Variants in CIT observed in about 807,000 individuals in gnomAD.
CIT encodes citron Rho-interacting kinase.
In CIT, 79 loss-of-function variants were observed where a neutral mutation model predicts 272.7. The observed-to-expected ratio is 0.29, with a 90% CI of 0.24 to 0.35. The LOEUF (loss-of-function observed/expected upper bound fraction) is 0.35. CIT is among the 10% of genes least tolerant of loss of function. The probability of loss-of-function intolerance (pLI) is 1.00; values close to 1 mark genes in which losing one functional copy is unlikely to be tolerated. For synonymous variants in CIT, 948 were observed against 995.6 expected (o/e 0.95, Z 0.90); for missense variants, 1,909 against 2,618.3 (o/e 0.73, Z 5.91).
chr12:119,833,663 C>CAAAAAAA lies in CIT; in HGVS notation c.659+416_659+422dup, dbSNP rs35433156. On this transcript the variant is annotated intron_variant, in intron 6 of 47. Coordinates refer to ENST00000392521, the MANE Select transcript of CIT (RefSeq NM_001206999.2). ...CTGGCAACAGAGCTAGACTCTGTCT[C>CAAAAAAA]AAAAAAAAAAAAAAAAAAAAAAAAT... Among the ~76,000 whole-genome samples, 44 of 83,802 alleles carry CAAAAAAA rather than the reference C, an allele frequency of 5.3e-4. 1 individual carries two copies. Among genetic ancestry groups the CAAAAAAA allele is most frequent in the Middle Eastern group, 6.3e-3 (1 of 158 alleles). The allele number at this position is 83,802 out of a possible 152,430, so 55.0% of individuals were successfully genotyped here.
At chr12:119,708,156 C>T (rs1230564762) in intron 40 of CIT, 23 bp downstream of exon 40, 1 of 1,521,074 alleles carries the variant, frequency 6.6e-7, no homozygotes, top group Admixed American at 2.1e-5. Flanking sequence ...ATTCCACCAG[C>T]TAGGACTCTG....
chr12:119,741,567 G>GA, intron 24 of CIT, among the ~76,000 whole-genome samples: 1 of 152,288 alleles, frequency 6.6e-6, no homozygotes, highest in Middle Eastern at 3.4e-3. Flanking sequence ...AGCTAAAGAG[G>GA]AAAGAAAGGG....
At chr12:119,862,535 C>T (rs1233185688) in intron 3 of CIT, among the ~76,000 whole-genome samples, 1 of 151,490 alleles carries the variant, frequency 6.6e-6, no homozygotes, top group African/African-American at 2.4e-5. Flanking sequence ...GTAGGACTTG[C>T]AGGGGCTGGC....
chr12:119,776,737 C>T lies in CIT; in HGVS notation c.1771G>A (p.Glu591Lys). 1 of 1,614,126 alleles carries T rather than the reference C, an allele frequency of 6.2e-7. No homozygotes were observed. Among genetic ancestry groups the T allele is most frequent in the South Asian group, 1.1e-5 (1 of 91,084 alleles). Residue 591 changes from glutamate to lysine, a missense_variant, in exon 14 of 48, where the codon GAG (glutamate) becomes AAG (lysine). Around this residue, in one of 8 missense-constraint regions of CIT, gnomAD observed 530 missense variants for 822.4 expected, o/e 0.64. Coordinates refer to ENST00000392521, the MANE Select transcript of CIT (RefSeq NM_001206999.2). The part of the protein sequence containing the change: ...RSDLYESELR[E>K]SRLAAEEFKR... ...AATTCTTCAGCAGCAAGCCGAGACTCTCTCAGCTCAGATTCGTAGAGATCA... is the reference window on the plus strand; with the variant it reads ...AATTCTTCAGCAGCAAGCCGAGACTTTCTCAGCTCAGATTCGTAGAGATCA...
intron 3 of CIT, among the ~76,000 whole-genome samples, chr12:119,861,402 A>G (rs980392982): frequency 6.6e-6 from 1 of 152,118 alleles, no homozygotes; most frequent in African/African-American, 2.4e-5. Context: ...CCTGACCAAT[A>G]TGGAGAAATC....
At position 119,713,186 on chromosome 12, in the gene CIT, CT is replaced by C. The variant is rs760091746; in HGVS notation, c.4579+16del. ...TTAGCCACGTGCAATGACCTTCCCC[CT>C]GAATTATTAATTTACCTTCTCTGGC... On this transcript the variant is annotated intron_variant, in intron 35 of 47. Coordinates refer to ENST00000392521, the MANE Select transcript of CIT (RefSeq NM_001206999.2). This position sits in a 1 kb window ranked among gnomAD's most constrained non-coding sequence, Gnocchi z 5.2. The C allele has an allele frequency of 1.5e-5, 24 of 1,605,390 alleles. No homozygotes were observed. The highest frequency in any genetic ancestry group is 2.0e-5 in the Non-Finnish European group (23 of 1,172,806).
intron 5 of CIT, among the ~76,000 whole-genome samples, chr12:119,846,475 G>A (rs1382267314): frequency 2.0e-5 from 3 of 152,218 alleles, no homozygotes; most frequent in Non-Finnish European, 4.4e-5. Context: ...CCAGAAAACT[G>A]TGGACTCTCA....
chr12:119,852,279 T>A (rs1311423595), intron 4 of CIT, among the ~76,000 whole-genome samples: 1 of 152,084 alleles, frequency 6.6e-6, no homozygotes, highest in Non-Finnish European at 1.5e-5. Flanking sequence ...TTTTACAAAA[T>A]AACTGGCCTA....
chr12:119,802,616 G>A (rs1017057742), intron 10 of CIT, among the ~76,000 whole-genome samples: 1 of 152,042 alleles, frequency 6.6e-6, no homozygotes, highest in East Asian at 1.9e-4. Context: ...GGCTGCCAGC[G>A]CTCCACCAGC....
At chr12:119,696,229 A>C (rs958603194) in intron 46 of CIT, among the ~76,000 whole-genome samples, 1 of 152,220 alleles carries the variant, frequency 6.6e-6, no homozygotes, top group African/African-American at 2.4e-5. Context: ...TTAGATTATC[A>C]ATTCAAAAAG....
chr12:119,703,530 A>G (rs921264072), intron 41 of CIT, among the ~76,000 whole-genome samples: 1 of 149,448 alleles, frequency 6.7e-6, no homozygotes, highest in Non-Finnish European at 1.5e-5. Flanking sequence ...CGTTTATGCA[A>G]TTCTCCTGCC....
intron 32 of CIT, among the ~76,000 whole-genome samples, chr12:119,717,031 G>T (rs1276619994): frequency 6.6e-6 from 1 of 152,188 alleles, no homozygotes; most frequent in Non-Finnish European, 1.5e-5. Flanking sequence ...GAGAAAAAAG[G>T]CCTGAAAGAT....
chr12:119,751,468 T>C (rs111362404), intron 23 of CIT, among the ~76,000 whole-genome samples: 49 of 152,118 alleles, frequency 3.2e-4, no homozygotes, highest in African/African-American at 1.1e-3. Context: ...GAGAATACTC[T>C]CCAGCTAAGT....
chr12:119,814,352 A>T (rs1966939893), intron 9 of CIT, among the ~76,000 whole-genome samples: 2 of 152,220 alleles, frequency 1.3e-5, no homozygotes, highest in South Asian at 4.1e-4. Flanking sequence ...ATATTTGCCT[A>T]CATATCCCAT....
chr12:119,757,566 A>G lies in CIT; in HGVS notation c.2532-21T>C, dbSNP rs199918369. The G allele has an allele frequency of 6.8e-6, 11 of 1,613,702 alleles. No homozygotes were observed. The Admixed American group carries it at 1.8e-4, about 27-fold the overall frequency. On this transcript the variant is annotated intron_variant, in intron 21 of 47. Coordinates refer to ENST00000392521, the MANE Select transcript of CIT (RefSeq NM_001206999.2). ...CCTTCCTGGTGGGGGTGGTGGGAGG[A>G]TCCAAACAAAATCACAGTCTCATTA...
intron 19 of CIT, 33 bp downstream of exon 19, chr12:119,767,054 G>C (rs752847182): frequency 2.6e-6 from 4 of 1,545,248 alleles, no homozygotes; most frequent in Non-Finnish European, 3.5e-6. Flanking sequence ...TACTATAGGA[G>C]CAAGGCCAGG....
intron 22 of CIT, 71 bp downstream of exon 22, chr12:119,757,300 C>T: frequency 1.9e-6 from 3 of 1,572,802 alleles, no homozygotes; most frequent in Non-Finnish European, 1.7e-6. Context: ...TTGATTTGTG[C>T]TCGAAAGCTG....
chr12:119,717,414 C>CTTT (rs765763044), intron 32 of CIT, among the ~76,000 whole-genome samples: 3,497 of 108,114 alleles, frequency 0.032, 167 homozygotes, highest in African/African-American at 0.066. Context: ...TTTTTCTTTT[C>CTTT]TTTTCTTTTT....
chr12:119,779,322 C>T (rs1045994558), intron 13 of CIT, among the ~76,000 whole-genome samples: 2 of 152,102 alleles, frequency 1.3e-5, no homozygotes, highest in African/African-American at 4.8e-5. Flanking sequence ...CATATTATGG[C>T]TTTCATAACT....
Sources: gnomAD v4.1 joint callset for allele counts (sites outside exome capture counted in the v4.1 genomes callset) on GRCh38, gnomAD v4.1.1 for gene constraint, gnomAD v4.1.1 regional missense constraint, Gnocchi (gnomAD v3.1) non-coding constraint, MANE v1.5 for transcripts, NCBI Gene and HGNC (gene_info 2026-07-23, HGNC 2026-07-21) for gene names.